DYM: variants seen among roughly 807,000 people sequenced by gnomAD.
The protein encoded by DYM is dymeclin, also known as dyggve-Melchior-Clausen syndrome protein.
In DYM, 78 loss-of-function variants were observed where a neutral mutation model predicts 93.1. The observed-to-expected ratio is 0.84, with a 90% CI of 0.70 to 1.01. The LOEUF is 1.01. Ranked by LOEUF, DYM falls within the 50% of genes least tolerant of loss-of-function variation. The pLI, the probability that DYM is intolerant of heterozygous loss-of-function variation, is 0.00. For missense variants in DYM, 789 were observed against 845.0 expected (o/e 0.93, Z 0.82); for synonymous variants, 321 against 319.7 (o/e 1.00, Z -0.04).
intron 2 of DYM, among the ~76,000 whole-genome samples, chr18:49,417,673 A>T (rs558296284): frequency 5.9e-5 from 9 of 152,340 alleles, no homozygotes; most frequent in African/African-American, 2.2e-4. Flanking sequence ...TTATCAAAAA[A>T]AGAGAAGGGA....
At chr18:49,447,646 G>A (rs936225318) in intron 1 of DYM, among the ~76,000 whole-genome samples, 6 of 152,116 alleles carry the variant, frequency 3.9e-5, no homozygotes, top group Non-Finnish European at 5.9e-5. Context: ...TTATCCAAAG[G>A]CTTCTGGACC....
chr18:49,335,812 C>CTTTTT (rs35594525), intron 6 of DYM, among the ~76,000 whole-genome samples: 1 of 147,208 alleles, frequency 6.8e-6, no homozygotes, highest in Non-Finnish European at 1.5e-5. Flanking sequence ...CGTTTTCTGT[C>CTTTTT]TTTTTTTTTT....
At chr18:49,167,245 C>CA (rs1233246666) in intron 14 of DYM, among the ~76,000 whole-genome samples, 1 of 151,938 alleles carries the variant, frequency 6.6e-6, no homozygotes, top group Non-Finnish European at 1.5e-5. Context: ...GCTAGTAGGA[C>CA]ACCAAACAAG....
rs564817910 is a variant in DYM at position 49,224,654 on chromosome 18, A to G, written c.1461-14939T>C. On this transcript the variant is annotated intron_variant, in intron 13 of 17. Coordinates refer to ENST00000675505, the MANE Select transcript of DYM (RefSeq NM_001353214.3). ...ACTCTCCACCATGGGAAGACAAGAG[A>G]AAAAACTGCCCTCTTTGGGTCAGTA... 4.6e-5 allele frequency among the ~76,000 whole-genome samples: 7 copies of G among 152,162 alleles called. No homozygotes were observed. In the South Asian group the frequency reaches 1.2e-3, roughly 27 times the overall value.
intron 1 of DYM, among the ~76,000 whole-genome samples, chr18:49,457,244 C>A (rs2083060924): frequency 6.6e-6 from 1 of 152,148 alleles, no homozygotes; most frequent in Admixed American, 6.5e-5. Context: ...GCCTTTATCT[C>A]CCACTTGGAC....
intron 13 of DYM, among the ~76,000 whole-genome samples, chr18:49,232,416 G>T (rs7243429): frequency 0.027 from 4,028 of 148,114 alleles, 175 homozygotes; most frequent in African/African-American, 0.094. Flanking sequence ...CCATTCTCCT[G>T]CCTCAGCCTC....
rs2084438846 is a variant in DYM at position 49,141,125 on chromosome 18, T to C, written c.1729-22199A>G. On this transcript the variant is annotated intron_variant, in intron 15 of 17. Transcript: ENST00000675505. ...CTGGATTATCCCTCTTTCCTTCCCATTGTTCATTCATCAATTGCCATGACT... is the reference window on the plus strand; with the variant it reads ...CTGGATTATCCCTCTTTCCTTCCCACTGTTCATTCATCAATTGCCATGACT... Among the ~76,000 whole-genome samples, 4 of 152,330 alleles carry C rather than the reference T, an allele frequency of 2.6e-5. No homozygotes were observed. In the South Asian group the frequency reaches 8.3e-4, roughly 32 times the overall value.
intron 3 of DYM, among the ~76,000 whole-genome samples, chr18:49,380,732 C>T (rs1266277715): frequency 1.3e-5 from 2 of 152,202 alleles, no homozygotes; most frequent in Non-Finnish European, 2.9e-5. Context: ...TTTGTAGAAC[C>T]TTCCATTTGA....
intron 14 of DYM, among the ~76,000 whole-genome samples, chr18:49,186,118 T>C (rs998090611): frequency 6.6e-6 from 1 of 152,188 alleles, no homozygotes; most frequent in Non-Finnish European, 1.5e-5. Context: ...TCTCACTAAA[T>C]AGTATCCCTT....
At chr18:49,366,887 T>C (rs1049911107) in intron 5 of DYM, among the ~76,000 whole-genome samples, 1 of 152,134 alleles carries the variant, frequency 6.6e-6, no homozygotes, top group African/African-American at 2.4e-5. Context: ...ACATCAAGGC[T>C]CAGATAGGTT....
chr18:49,400,437 A>G lies in DYM; in HGVS notation c.141-8792T>C, dbSNP rs571721378. Among the ~76,000 whole-genome samples, 8 of 152,232 alleles carry G rather than the reference A, an allele frequency of 5.3e-5. No homozygotes were observed. The South Asian group carries it at 1.2e-3, about 24-fold the overall frequency. ...AGCACCACTGCCACTGCCTCGTTCA[A>G]CAATCAACACTTTAGAGCAGAAGCA... is the stretch of plus-strand genomic sequence containing the variant. On this transcript the variant is annotated intron_variant, in intron 2 of 17. Coordinates refer to ENST00000675505, the MANE Select transcript of DYM (RefSeq NM_001353214.3).
At chr18:49,317,559 CT>C in intron 8 of DYM, among the ~76,000 whole-genome samples, 1 of 12,346 alleles carries the variant, frequency 8.1e-5, no homozygotes, top group African/African-American at 4.4e-4. Context: ...ATTTCTCTCT[CT>C]CTCTCTCTCT....
At chr18:49,115,097 G>T (rs891957390) in intron 16 of DYM, among the ~76,000 whole-genome samples, 2 of 152,164 alleles carry the variant, frequency 1.3e-5, no homozygotes, top group Admixed American at 1.3e-4. Flanking sequence ...TTCTTTATCT[G>T]TAAATTGAGG....
At chr18:49,278,435 C>A (rs1157315982) in intron 10 of DYM, among the ~76,000 whole-genome samples, 1 of 152,088 alleles carries the variant, frequency 6.6e-6, no homozygotes, top group Non-Finnish European at 1.5e-5. Context: ...ACTCACAATG[C>A]CCTGATTAAG....
At chr18:49,104,769 C>T (rs1043579422) in intron 16 of DYM, among the ~76,000 whole-genome samples, 10 of 152,188 alleles carry the variant, frequency 6.6e-5, no homozygotes, top group African/African-American at 1.9e-4. Context: ...CCCACTTGAT[C>T]ATGGTGGATA....
rs2074362839 is a variant in DYM, at chr18:49,427,027, CA to C, written c.140+3227del. Among the ~76,000 whole-genome samples the C allele has an allele frequency of 2.0e-5, 3 of 152,098 alleles. No homozygotes were observed. In the South Asian group the frequency reaches 6.2e-4, roughly 32 times the overall value. ...TCCAGTTATTAAATGTAGAAATGAC[CA>C]AATTAGAAATATTACCATTTTGTAA... On this transcript the variant is annotated intron_variant, in intron 2 of 17. Transcript: ENST00000675505.
At chr18:49,203,422 G>C (rs1433778653) in intron 14 of DYM, among the ~76,000 whole-genome samples, 1 of 146,134 alleles carries the variant, frequency 6.8e-6, no homozygotes, top group African/African-American at 2.6e-5. Context: ...GGCGGGAAAG[G>C]TGGGGAAAAG....
At chr18:49,326,256 T>C (rs187122706) in intron 8 of DYM, among the ~76,000 whole-genome samples, 2 of 152,326 alleles carry the variant, frequency 1.3e-5, no homozygotes, top group African/African-American at 4.8e-5. Context: ...ATTAGTAAAG[T>C]AATATATCAA....
At chr18:49,458,407 A>G (rs973614400) in intron 1 of DYM, among the ~76,000 whole-genome samples, 6 of 152,174 alleles carry the variant, frequency 3.9e-5, no homozygotes, top group African/African-American at 9.7e-5. Context: ...CATTTTTCAG[A>G]GTCAAACATA....
Sources: gnomAD v4.1 joint callset for allele counts (sites outside exome capture counted in the v4.1 genomes callset) on GRCh38, gnomAD v4.1.1 for gene constraint, MANE v1.5 for transcripts, NCBI Gene and HGNC (gene_info 2026-07-23, HGNC 2026-07-21) for gene names.